ABHD17B: variants seen among roughly 807,000 people sequenced by gnomAD.
ABHD17B encodes the protein alpha/beta hydrolase domain-containing protein 17B.
A neutral mutation model predicts 26.2 loss-of-function variants in ABHD17B; 9 were observed. The observed-to-expected ratio is 0.34, with a 90% CI of 0.21 to 0.60. The LOEUF (loss-of-function observed/expected upper bound fraction) is 0.60. Among genes scored for constraint, ABHD17B ranks in the 20% least tolerant of loss-of-function variants. The pLI, the probability that ABHD17B is intolerant of heterozygous loss-of-function variation, is 0.80. For missense variants in ABHD17B, 224 were observed against 352.1 expected, an observed-to-expected ratio of 0.64 and a Z score of 2.91; for synonymous variants, 127 against 122.3, an observed-to-expected ratio of 1.04 and a Z score of -0.25.
At chr9:71,903,770 T>C (rs1044488794) in intron 1 of ABHD17B, among the ~76,000 whole-genome samples, 2 of 152,222 alleles carry the variant, frequency 1.3e-5, no homozygotes, top group African/African-American at 4.8e-5. Flanking sequence ...GATAAATATT[T>C]ATCAAATAAT....
At chr9:71,864,722 TTACAA>T (rs959583306), downstream of ABHD17B, among the ~76,000 whole-genome samples, 3 of 152,178 alleles carry the variant, frequency 2.0e-5, no homozygotes, top group South Asian at 2.1e-4. Flanking sequence ...CTTTTACCTG[TTACAA>T]TACCTTACAA....
chr9:71,881,187 T>C (rs183955941), intron 1 of ABHD17B, among the ~76,000 whole-genome samples: 6 of 152,298 alleles, frequency 3.9e-5, no homozygotes, highest in Admixed American at 2.6e-4. Flanking sequence ...GAAATAAACC[T>C]GACATTTATG....
chr9:71,876,119 C>T (rs544789681), intron 1 of ABHD17B, among the ~76,000 whole-genome samples: 2 of 151,998 alleles, frequency 1.3e-5, no homozygotes, highest in Admixed American at 6.6e-5. Context: ...ACTGCCCAAA[C>T]TAAAAAGGCT....
rs761519910 is a variant in ABHD17B at position 71,886,047 on chromosome 9, ATATAT to A, written c.-3-10969_-3-10965del. 9.4e-4 allele frequency among the ~76,000 whole-genome samples: 143 copies of A among 152,300 alleles called. 1 individual carries two copies. Among genetic ancestry groups the A allele is most frequent in the African/African-American group, 2.7e-3 (113 of 41,570 alleles). On this transcript the variant is annotated intron_variant, in intron 1 of 3. Transcript: ENST00000333421. ...TATGTGATAAACCATTTAAATTTTG[ATATAT>A]TAGATTTCATGTTAAGAACTATAGT...
At chr9:71,895,232 C>T (rs1826921328) in intron 1 of ABHD17B, among the ~76,000 whole-genome samples, 1 of 152,150 alleles carries the variant, frequency 6.6e-6, no homozygotes, top group African/African-American at 2.4e-5. Flanking sequence ...CTCCTCCCAC[C>T]CCATTTACAG....
chr9:71,906,162 C>A (rs1054663478), intron 1 of ABHD17B, among the ~76,000 whole-genome samples: 4 of 152,050 alleles, frequency 2.6e-5, no homozygotes, highest in African/African-American at 7.2e-5. Context: ...GGAAAAAAAA[C>A]CCACTAATGT....
chr9:71,886,761 G>A (rs963588014), intron 1 of ABHD17B, among the ~76,000 whole-genome samples: 1 of 152,092 alleles, frequency 6.6e-6, no homozygotes, highest in Non-Finnish European at 1.5e-5. Context: ...TCATCTGTGA[G>A]ATCAAAGGGC....
intron 1 of ABHD17B, among the ~76,000 whole-genome samples, chr9:71,882,066 G>A (rs1049758127): frequency 3.3e-5 from 5 of 152,102 alleles, no homozygotes; most frequent in Admixed American, 6.6e-5. Flanking sequence ...AAGAGATACA[G>A]CTTCATCTCC....
chr9:71,869,272 T>C (rs1360735937), intron 3 of ABHD17B, among the ~76,000 whole-genome samples: 1 of 152,218 alleles, frequency 6.6e-6, no homozygotes, highest in Non-Finnish European at 1.5e-5. Context: ...CATTACTGGC[T>C]AATGATGAAA....
chr9:71,901,379 G>A (rs1827136911), intron 1 of ABHD17B, among the ~76,000 whole-genome samples: 1 of 152,062 alleles, frequency 6.6e-6, no homozygotes, highest in Non-Finnish European at 1.5e-5. Flanking sequence ...CAATTTCGAA[G>A]TATAACAGGT....
At chr9:71,897,038 G>C (rs991598116) in intron 1 of ABHD17B, among the ~76,000 whole-genome samples, 3 of 152,154 alleles carry the variant, frequency 2.0e-5, no homozygotes, top group African/African-American at 7.2e-5. Flanking sequence ...GGAGACACAT[G>C]AATTTATAAC....
chr9:71,910,353 C>G (rs540854566), intron 1 of ABHD17B, among the ~76,000 whole-genome samples: 3 of 152,268 alleles, frequency 2.0e-5, no homozygotes, highest in Admixed American at 2.0e-4. Flanking sequence ...CTCCCTCCCC[C>G]ACCCCCTGAC....
chr9:71,873,372 A>G (rs1826167580), intron 2 of ABHD17B, among the ~76,000 whole-genome samples: 1 of 152,102 alleles, frequency 6.6e-6, no homozygotes, highest in Non-Finnish European at 1.5e-5. Context: ...TAGTAAGAAA[A>G]TTTTATTAAA....
rs571484756 is a variant in ABHD17B at position 71,908,470 on chromosome 9, T to C, written c.-4+2164A>G. On this transcript the variant is annotated intron_variant, in intron 1 of 3. Transcript: ENST00000333421. ...CACAAGGCTGGATTCGACAGGCAAA[T>C]GGGGCAATGTATGTGAGAAATTTTA... Among the ~76,000 whole-genome samples, 5 of 147,050 alleles carry C rather than the reference T, an allele frequency of 3.4e-5. No homozygotes were observed. The South Asian group carries it at 1.1e-3, about 31-fold the overall frequency.
At chr9:71,881,722 T>G (rs556203877) in intron 1 of ABHD17B, among the ~76,000 whole-genome samples, 1 of 152,022 alleles carries the variant, frequency 6.6e-6, no homozygotes, top group Non-Finnish European at 1.5e-5. Context: ...CTGCCTCTAC[T>G]AAAAATACAA....
intron 1 of ABHD17B, among the ~76,000 whole-genome samples, chr9:71,880,001 G>A (rs76914987): frequency 0.012 from 1,841 of 152,224 alleles, 13 homozygotes; most frequent in Non-Finnish European, 0.019. Context: ...CAAAATAAAC[G>A]AAATAATGTA....
intron 3 of ABHD17B, among the ~76,000 whole-genome samples, chr9:71,869,253 A>G (rs1040677510): frequency 1.3e-5 from 2 of 152,202 alleles, no homozygotes; most frequent in Non-Finnish European, 2.9e-5. Context: ...TTTCCCTACT[A>G]AAGTGATCCA....
At chr9:71,900,319 A>G (rs1827094329) in intron 1 of ABHD17B, among the ~76,000 whole-genome samples, 1 of 152,210 alleles carries the variant, frequency 6.6e-6, no homozygotes, top group Non-Finnish European at 1.5e-5. Context: ...TAGACGGCCT[A>G]CAAGGTGATT....
At position 71,910,802 on chromosome 9, in the gene ABHD17B, G is replaced by A. The variant is rs1423729224; in HGVS notation, c.-172C>T. On this transcript the variant is annotated 5_prime_UTR_variant, in exon 1 of 4. Coordinates refer to ENST00000333421, the MANE Select transcript of ABHD17B (RefSeq NM_001025780.3). ...GCGGGGACCAGGGCTACAGCCCCCG[G>A]CGCCGGGGCGAAGAAGGACGGCGGC... is the stretch of plus-strand genomic sequence containing the variant. 1 of 151,868 alleles carries A rather than the reference G, an allele frequency of 6.6e-6. No individual in the cohort carries two copies. The allele number at this position is 151,868 out of a possible 1,614,324, so 9.4% of individuals were successfully genotyped here. A position where few individuals can be genotyped will look rare whatever the true frequency, so the allele number is the denominator to read the frequency against.
Sources: gnomAD v4.1 joint callset for allele counts (sites outside exome capture counted in the v4.1 genomes callset) on GRCh38, gnomAD v4.1.1 for gene constraint, MANE v1.5 for transcripts, NCBI Gene and HGNC (gene_info 2026-07-23, HGNC 2026-07-21) for gene names.